Variants in FKBP15 observed in about 807,000 individuals in gnomAD.
FKBP15 encodes the protein FKBP prolyl isomerase family member 15.
FKBP15 carries 106 observed loss-of-function variants against 158.1 expected under a neutral mutation model. That is an observed-to-expected ratio of 0.67 (90% CI 0.57 to 0.79). FKBP15 has a LOEUF of 0.79. Ranked by LOEUF, FKBP15 falls within the 30% of genes least tolerant of loss-of-function variation. FKBP15 has a pLI of 0.00. For missense variants in FKBP15, 1,287 were observed against 1,479.1 expected (o/e 0.87, Z 2.13); for synonymous variants, 547 against 548.6 (o/e 1.00, Z 0.04).
intron 14 of FKBP15, chr9:113,187,396 T>A (rs1830503142): frequency 6.2e-6 from 1 of 160,318 alleles, no homozygotes; most frequent in South Asian, 1.6e-4. Flanking sequence ...CAAGCTACAT[T>A]TTCCACATGG....
At chr9:113,185,719 G>A (rs1041128819) in intron 15 of FKBP15, among the ~76,000 whole-genome samples, 19 of 152,174 alleles carry the variant, frequency 1.2e-4, no homozygotes, top group Admixed American at 4.6e-4. Context: ...AGGTCAGGGG[G>A]TTTATGGAGG....
intron 1 of FKBP15, among the ~76,000 whole-genome samples, chr9:113,217,036 C>T (rs922307168): frequency 1.1e-4 from 17 of 150,400 alleles, no homozygotes; most frequent in East Asian, 2.0e-4. Flanking sequence ...CCTGAGCACC[C>T]GAGATTACAG....
chr9:113,161,338 C>T lies in FKBP15; in HGVS notation c.*4740G>A. ...CTCTTCCTGATCTCAAAGCCACACT[C>T]CAGCTAAGAAAAGTCTGGTGAAGAC... is the stretch of plus-strand genomic sequence containing the variant. On this transcript the variant is annotated 3_prime_UTR_variant, in exon 28 of 28. Coordinates refer to ENST00000238256, the MANE Select transcript of FKBP15 (RefSeq NM_015258.2). 1 of 647,898 alleles carries T rather than the reference C, an allele frequency of 1.5e-6. No homozygotes were observed. The highest frequency in any genetic ancestry group is 2.6e-6 in the Non-Finnish European group (1 of 379,690). The allele number at this position is 647,898 out of a possible 1,614,324, so 40.1% of individuals were successfully genotyped here.
intron 4 of FKBP15, chr9:113,206,196 A>G (rs2118936883): frequency 2.6e-6 from 1 of 380,318 alleles, no homozygotes; most frequent in Non-Finnish European, 4.8e-6. Context: ...ATATGTGTGT[A>G]TTTGTGTATG....
intron 13 of FKBP15, 23 bp downstream of exon 13, chr9:113,188,366 A>G (rs774461755): frequency 6.4e-7 from 1 of 1,572,476 alleles, no homozygotes; most frequent in South Asian, 1.1e-5. Flanking sequence ...TCAAGGCCAC[A>G]GAGCCTCAGA....
intron 19 of FKBP15, 80 bp from the exon 20 acceptor site, chr9:113,178,881 A>ATGTAGAC: frequency 1.5e-6 from 2 of 1,357,744 alleles, no homozygotes; most frequent in Non-Finnish European, 2.0e-6. Flanking sequence ...ACATAACTCT[A>ATGTAGAC]TGTAGACTGA....
rs1413366303 is a variant in FKBP15 at position 113,163,184 on chromosome 9, G to A, written c.*2894C>T. 2 of 285,836 alleles carry A rather than the reference G, an allele frequency of 7.0e-6. No individual in the cohort carries two copies. The highest frequency in any genetic ancestry group is 1.3e-5 in the Non-Finnish European group (2 of 154,202). 17.7% of individuals were successfully genotyped at this position (285,836 alleles called of 1,614,324 possible). On this transcript the variant is annotated 3_prime_UTR_variant, in exon 28 of 28. Coordinates refer to ENST00000238256, the MANE Select transcript of FKBP15 (RefSeq NM_015258.2). ...ACCAAAGGGAGAATGGAGATAACAG[G>A]GGTGGCAGGGTTACTGAGCCCATGA...
At chr9:113,185,168 C>T (rs1049853000) in intron 15 of FKBP15, among the ~76,000 whole-genome samples, 2 of 152,210 alleles carry the variant, frequency 1.3e-5, no homozygotes, top group Non-Finnish European at 2.9e-5. Flanking sequence ...AAACAAAACA[C>T]GGCTTCTGCC....
Position 113,170,524 on chromosome 9 carries a change from T to C in FKBP15, c.2764A>G (p.Lys922Glu). ...TILGTIMNTI[K>E]MVTLQLLNQQ... ...AAATGACAGCTGGCTGGCTGTACCT[T>C]GATCGTATTCATGATGGTTCCCAGA... Residue 922 changes from lysine to glutamate, a missense_variant and splice_region_variant, in exon 25 of 28, where the codon AAG (lysine) becomes GAG (glutamate). Lys to Glu is a moderately conservative substitution (Grantham distance 56). Coordinates refer to ENST00000238256, the MANE Select transcript of FKBP15 (RefSeq NM_015258.2). 6.2e-7 allele frequency: 1 copy of C among 1,607,570 alleles called. No homozygotes were observed. The highest frequency in any genetic ancestry group is 8.5e-7 in the Non-Finnish European group (1 of 1,174,056).
intron 2 of FKBP15, among the ~76,000 whole-genome samples, chr9:113,210,963 G>A (rs1419806209): frequency 2.6e-5 from 4 of 152,094 alleles, no homozygotes; most frequent in East Asian, 1.9e-4. Flanking sequence ...CTGCACTGTC[G>A]GCTTCCCTAC....
Position 113,163,046 on chromosome 9 carries a change from A to C in FKBP15, c.*3032T>G. ...TTATTCCCAGCCCCTGGAAACTTTG[A>C]GCTGAAGCCAGCACTTGCTCCCTGG... On this transcript the variant is annotated 3_prime_UTR_variant, in exon 28 of 28. Coordinates refer to ENST00000238256, the MANE Select transcript of FKBP15 (RefSeq NM_015258.2). 9 of 881,570 alleles carry C rather than the reference A, an allele frequency of 1.0e-5. No individual in the cohort carries two copies. Among genetic ancestry groups the C allele is most frequent in the Non-Finnish European group, 1.5e-5 (9 of 613,868 alleles). The allele number at this position is 881,570 out of a possible 1,614,324, so 54.6% of individuals were successfully genotyped here. A position where few individuals can be genotyped will look rare whatever the true frequency, so the allele number is the denominator to read the frequency against.
chr9:113,163,466 A>T lies in FKBP15; in HGVS notation c.*2612T>A, dbSNP rs1456951397. ...CGTCTATGGATCATGTTGACAAACT[A>T]AGTTTTTTTTATTTTTCCCATTGAA... On this transcript the variant is annotated 3_prime_UTR_variant, in exon 28 of 28. Coordinates refer to ENST00000238256, the MANE Select transcript of FKBP15 (RefSeq NM_015258.2). The T allele has an allele frequency of 6.6e-6, 1 of 152,634 alleles. No individual in the cohort carries two copies. Among genetic ancestry groups the T allele is most frequent in the Non-Finnish European group, 1.5e-5 (1 of 68,044 alleles). The allele number at this position is 152,634 out of a possible 1,614,324, so 9.5% of individuals were successfully genotyped here. A position where few individuals can be genotyped will look rare whatever the true frequency, so the allele number is the denominator to read the frequency against.
intron 2 of FKBP15, 95 bp from the exon 3 acceptor site, chr9:113,207,391 G>T: frequency 1.2e-6 from 1 of 860,872 alleles, no homozygotes; most frequent in Non-Finnish European, 1.8e-6. Context: ...CCAGGCTGGA[G>T]TGCAGTGGCG....
rs1564174784 is a variant in FKBP15 at position 113,196,952 on chromosome 9, A to G, written c.844T>C (p.Phe282Leu). The G allele has an allele frequency of 2.5e-6, 4 of 1,613,794 alleles. No homozygotes were observed. Among genetic ancestry groups the G allele is most frequent in the Non-Finnish European group, 3.4e-6 (4 of 1,179,852 alleles). The change falls in exon 9 of 28, where the codon TTC (phenylalanine) becomes CTC (leucine). Residue 282 changes from phenylalanine to leucine, a missense_variant. By Grantham distance (22) the Phe-to-Leu change is conservative. Coordinates refer to ENST00000238256, the MANE Select transcript of FKBP15 (RefSeq NM_015258.2). ...WTQATDSILV[F>L]EVEVRRVKFA... ...CTCACCCGCCTAACCTCCACCTCGA[A>G]CACCAGGATCGAGTCCGTTGCTTGA...
chr9:113,169,169 G>C, intron 26 of FKBP15, 55 bp downstream of exon 26: 2 of 1,535,422 alleles, frequency 1.3e-6, no homozygotes, highest in Non-Finnish European at 1.7e-6. Context: ...AAAAAACAGA[G>C]ACACTCACCA....
In FKBP15 at chr9:113,184,354, G is replaced by T; in HGVS notation, c.1654C>A (p.Pro552Thr). Residue 552 changes from proline (P) to threonine (T), a missense_variant, in exon 17 of 28, where the codon CCT becomes ACT. Physicochemically the swap from Pro to Thr is conservative, Grantham distance 38. Transcript: ENST00000238256. The surrounding 1 kb of genome is among the most constrained non-coding windows in gnomAD (Gnocchi z 4.5). The part of the protein sequence containing the change: ...KHSAGNSMLI[P>T]SMSVTMETSM... ...GTTTCCATTGTAACTGACATGCTAG[G>T]AATAAGCATGGAATTGCCAGCACTA... 1 of 1,607,384 alleles carries T rather than the reference G, an allele frequency of 6.2e-7. No individual in the cohort carries two copies. Among genetic ancestry groups the T allele is most frequent in the Non-Finnish European group, 8.5e-7 (1 of 1,176,608 alleles).
chr9:113,164,948 C>G lies in FKBP15; in HGVS notation c.*1130G>C, dbSNP rs776713236. 1 of 152,182 alleles carries G rather than the reference C, an allele frequency of 6.6e-6. No individual in the cohort carries two copies. The highest frequency in any genetic ancestry group is 1.5e-5 in the Non-Finnish European group (1 of 68,026). The allele number at this position is 152,182 out of a possible 1,614,324, so 9.4% of individuals were successfully genotyped here. ...CCGCACACGGGAGACATATCCAAAG[C>G]CTGCAAGGATGATGCCAGGCCAGAT... On this transcript the variant is annotated 3_prime_UTR_variant, in exon 28 of 28. Coordinates refer to ENST00000238256, the MANE Select transcript of FKBP15 (RefSeq NM_015258.2).
intron 12 of FKBP15, 103 bp downstream of exon 12, chr9:113,190,368 T>C: frequency 1.1e-6 from 1 of 928,340 alleles, no homozygotes. Context: ...GCTCTCTAAA[T>C]AATGATTCTG....
intron 2 of FKBP15, among the ~76,000 whole-genome samples, chr9:113,210,371 TTGC>T (rs1830977543): frequency 6.7e-6 from 1 of 149,382 alleles, no homozygotes; most frequent in South Asian, 2.1e-4. Flanking sequence ...TCTTGCTCTG[TTGC>T]CAGGCTGGAG....
Sources: gnomAD v4.1 joint callset for allele counts (sites outside exome capture counted in the v4.1 genomes callset) on GRCh38, gnomAD v4.1.1 for gene constraint, Gnocchi (gnomAD v3.1) non-coding constraint, MANE v1.5 for transcripts, NCBI Gene and HGNC (gene_info 2026-07-23, HGNC 2026-07-21) for gene names.